Variants in PPP2R2C observed in about 807,000 individuals in gnomAD.
The protein encoded by PPP2R2C is protein phosphatase 2, regulatory subunit B, gamma.
A neutral mutation model predicts 45.3 loss-of-function variants in PPP2R2C; 10 were observed. The ratio of observed to expected loss-of-function variants is 0.22; its 90% CI spans 0.14 to 0.37. The LOEUF (loss-of-function observed/expected upper bound fraction) is 0.37, where lower values mean the gene tolerates loss of function less well. Ranked by LOEUF, PPP2R2C falls within the 10% of genes least tolerant of loss-of-function variation. The pLI is 1.00. For missense variants in PPP2R2C, 308 were observed against 619.7 expected (o/e 0.50, Z 5.34); for synonymous variants, 257 against 245.4 (o/e 1.05, Z -0.44).
intron 2 of PPP2R2C, among the ~76,000 whole-genome samples, chr4:6,491,633 A>G (rs1722702261): frequency 6.6e-6 from 1 of 152,186 alleles, no homozygotes; most frequent in African/African-American, 2.4e-5. Flanking sequence ...GCAATCCTCA[A>G]TGTTGGAGGA....
intron 1 of PPP2R2C, chr4:6,383,942 T>G (rs998497014): frequency 1.0e-6 from 1 of 985,556 alleles, no homozygotes; most frequent in Non-Finnish European, 1.2e-6. Context: ...CAGAAAAGAT[T>G]GAGAGAGGGT....
chr4:6,463,900 G>C (rs1721459442), intron 1 of PPP2R2C, among the ~76,000 whole-genome samples: 1 of 152,194 alleles, frequency 6.6e-6, no homozygotes. Flanking sequence ...AGAGCACCAA[G>C]CCAGGTAGTC....
At chr4:6,383,356 G>C in intron 1 of PPP2R2C, 1 of 1,289,604 alleles carries the variant, frequency 7.8e-7, no homozygotes, top group East Asian at 5.6e-5. Context: ...AACATTTACT[G>C]TTGTATGCAC....
intron 2 of PPP2R2C, among the ~76,000 whole-genome samples, chr4:6,483,903 G>A (rs1287338145): frequency 1.3e-5 from 2 of 152,038 alleles, no homozygotes; most frequent in East Asian, 3.8e-4. Context: ...ACAGGGATTG[G>A]TAAACTACAG....
In PPP2R2C at chr4:6,331,798, A is replaced by C. The variant is rs1022553354; in HGVS notation, c.960+1764T>G. On this transcript the variant is annotated intron_variant, in intron 7 of 8. Transcript: ENST00000382599. This position sits in a 1 kb window ranked among gnomAD's most constrained non-coding sequence, Gnocchi z 5.9. ...GCTGCCGGGGTCATGGAGCCCCCCC[A>C]CCTTCCTGGACTGCCCTCTCCAGAC... Among the ~76,000 whole-genome samples the C allele has an allele frequency of 2.6e-5, 4 of 151,962 alleles. No homozygotes were observed. The highest frequency in any genetic ancestry group is 2.6e-4 in the Admixed American group (4 of 15,264).
At chr4:6,337,126 A>G (rs574592268) in intron 6 of PPP2R2C, among the ~76,000 whole-genome samples, 695 of 43,570 alleles carry the variant, frequency 0.016, 52 homozygotes, top group African/African-American at 0.081. Flanking sequence ...ATATATATAT[A>G]TATATATATA....
intron 4 of PPP2R2C, among the ~76,000 whole-genome samples, chr4:6,373,696 C>T (rs1040168950): frequency 6.6e-6 from 1 of 152,192 alleles, no homozygotes; most frequent in Non-Finnish European, 1.5e-5. Context: ...GAGGTGACAG[C>T]CTCGGTGCTG....
chr4:6,329,413 C>T lies in PPP2R2C; in HGVS notation c.961-60G>A, dbSNP rs1577068603. 6.3e-6 allele frequency: 9 copies of T among 1,427,248 alleles called. No homozygotes were observed. Among genetic ancestry groups the T allele is most frequent in the Middle Eastern group, 1.8e-4 (1 of 5,706 alleles). The allele number at this position is 1,427,248 out of a possible 1,614,324, so 88.4% of individuals were successfully genotyped here. On this transcript the variant is annotated intron_variant, in intron 7 of 8. Transcript: ENST00000382599. This position sits in a 1 kb window ranked among gnomAD's most constrained non-coding sequence, Gnocchi z 5.8. ...CGTCCCGACCATCCTGGCCCTTCCA[C>T]AAGAAGGGTCTCAAAGAGCAGCGAG...
intron 1 of PPP2R2C, among the ~76,000 whole-genome samples, chr4:6,409,363 G>T (rs1299953659): frequency 6.6e-6 from 1 of 152,214 alleles, no homozygotes; most frequent in Non-Finnish European, 1.5e-5. Flanking sequence ...AGGCCAGAGA[G>T]AAAACAAGGC....
chr4:6,523,242 C>G (rs1029294280), intron 2 of PPP2R2C, among the ~76,000 whole-genome samples: 1 of 152,204 alleles, frequency 6.6e-6, no homozygotes, highest in Non-Finnish European at 1.5e-5. Context: ...GCCCCAACCA[C>G]CAGCTCCCTT....
intron 4 of PPP2R2C, among the ~76,000 whole-genome samples, chr4:6,374,413 A>G (rs1246767719): frequency 6.6e-6 from 1 of 152,182 alleles, no homozygotes; most frequent in African/African-American, 2.4e-5. Context: ...CATGAGTAAA[A>G]CATGCTGCCT....
intron 1 of PPP2R2C, among the ~76,000 whole-genome samples, chr4:6,430,578 A>G (rs1308607288): frequency 6.6e-6 from 1 of 152,202 alleles, no homozygotes; most frequent in Non-Finnish European, 1.5e-5. Flanking sequence ...TGAAATGTTC[A>G]TTTAGCAGAA....
chr4:6,342,125 CACATACATATAT>C (rs1733501170), intron 6 of PPP2R2C, among the ~76,000 whole-genome samples: 1 of 114,954 alleles, frequency 8.7e-6, no homozygotes, highest in East Asian at 2.3e-4. Flanking sequence ...CACACACACA[CACATACATATAT>C]ATACATACAT....
chr4:6,399,691 T>C (rs373060539), intron 1 of PPP2R2C, among the ~76,000 whole-genome samples: 4 of 152,202 alleles, frequency 2.6e-5, no homozygotes, highest in African/African-American at 9.6e-5. Context: ...CCCACCTCCA[T>C]GGAAGAAGCC....
intron 1 of PPP2R2C, among the ~76,000 whole-genome samples, chr4:6,431,037 C>T (rs952001137): frequency 1.3e-5 from 2 of 152,176 alleles, no homozygotes; most frequent in Non-Finnish European, 2.9e-5. Context: ...CTGCCTCTTC[C>T]GGCAGCCCAC....
At chr4:6,530,387 C>T (rs1724356029) in intron 2 of PPP2R2C, among the ~76,000 whole-genome samples, 1 of 152,174 alleles carries the variant, frequency 6.6e-6, no homozygotes, top group South Asian at 2.1e-4. Context: ...CTTTAACCCC[C>T]CATGAGATGG....
rs188683619 is a variant in PPP2R2C at position 6,421,024 on chromosome 4, A to G, written c.71-39930T>C. ...GATGTGCCTGAGGAGGGCTTCGTGGAGGAAGCGGTGCTTTGTGTGCACCCT... is the reference window on the plus strand; with the variant it reads ...GATGTGCCTGAGGAGGGCTTCGTGGGGGAAGCGGTGCTTTGTGTGCACCCT... On this transcript the variant is annotated intron_variant, in intron 1 of 8. Coordinates refer to ENST00000382599, the MANE Select transcript of PPP2R2C (RefSeq NM_020416.4). 2,301 of 985,210 alleles carry G rather than the reference A, an allele frequency of 2.3e-3. 49 individuals are homozygous for G. The African/African-American group carries it at 0.034, about 15-fold the overall frequency. The allele number at this position is 985,210 out of a possible 1,614,324, so 61.0% of individuals were successfully genotyped here.
At chr4:6,452,478 A>G (rs1202944717) in intron 1 of PPP2R2C, among the ~76,000 whole-genome samples, 1 of 152,076 alleles carries the variant, frequency 6.6e-6, no homozygotes, top group Non-Finnish European at 1.5e-5. Context: ...TTTCTTCCAG[A>G]GAAGACACTG....
intron 1 of PPP2R2C, among the ~76,000 whole-genome samples, chr4:6,431,960 A>G (rs956893032): frequency 6.6e-6 from 1 of 152,132 alleles, no homozygotes; most frequent in Non-Finnish European, 1.5e-5. Flanking sequence ...TAGTTCATAG[A>G]TGGCCATCTT....
Sources: allele counts gnomAD v4.1 joint callset (sites outside exome capture counted in the v4.1 genomes callset), GRCh38; gene constraint gnomAD v4.1.1; non-coding constraint Gnocchi (gnomAD v3.1); transcripts MANE v1.5; gene names NCBI Gene and HGNC (gene_info 2026-07-23, HGNC 2026-07-21).